PLEKHH2: variants seen among roughly 807,000 people sequenced by gnomAD.
PLEKHH2 encodes pleckstrin homology, MyTH4 and FERM domain containing H2, also known as pleckstrin homology domain-containing family H member 2.
Under a neutral mutation model 187.9 loss-of-function variants are expected in PLEKHH2, and 129 were observed. The ratio of observed to expected loss-of-function variants is 0.69; its 90% CI spans 0.59 to 0.79. PLEKHH2 has a LOEUF of 0.79. Among genes scored for constraint, PLEKHH2 ranks in the 30% least tolerant of loss-of-function variants. The pLI, the probability that PLEKHH2 is intolerant of heterozygous loss-of-function variation, is 0.00. For synonymous variants in PLEKHH2, 686 were observed against 605.6 expected (o/e 1.13, Z -1.95); for missense variants, 2,076 against 1,751.2 (o/e 1.19, Z -3.31).
intron 28 of PLEKHH2, 86 bp downstream of exon 28, chr2:43,762,476 C>G: frequency 9.7e-7 from 1 of 1,033,756 alleles, no homozygotes; most frequent in South Asian, 1.4e-5. Context: ...ATATCTTAAT[C>G]TGATTTTTCT....
chr2:43,725,601 A>G (rs1670700995), intron 16 of PLEKHH2, among the ~76,000 whole-genome samples: 1 of 152,204 alleles, frequency 6.6e-6, no homozygotes, highest in Admixed American at 6.5e-5. Context: ...CTTTACCCTA[A>G]CTGTCTATCT....
chr2:43,646,955 A>T (rs1262387262), intron 2 of PLEKHH2, among the ~76,000 whole-genome samples: 1 of 151,922 alleles, frequency 6.6e-6, no homozygotes, highest in Non-Finnish European at 1.5e-5. Flanking sequence ...TTCCCAATAA[A>T]TATATTCAAC....
At chr2:43,691,310 C>A (rs954265497) in intron 3 of PLEKHH2, among the ~76,000 whole-genome samples, 19 of 152,194 alleles carry the variant, frequency 1.2e-4, no homozygotes, top group African/African-American at 3.6e-4. Context: ...GTGGTCCCCC[C>A]ACCCGAAGCA....
intron 3 of PLEKHH2, among the ~76,000 whole-genome samples, chr2:43,687,815 A>C (rs1286830646): frequency 1.3e-5 from 2 of 151,104 alleles, no homozygotes; most frequent in Non-Finnish European, 2.9e-5. Context: ...TTTTTTTTTC[A>C]AGACAGGGTC....
At chr2:43,670,387 T>C (rs1667437439) in intron 2 of PLEKHH2, among the ~76,000 whole-genome samples, 1 of 152,184 alleles carries the variant, frequency 6.6e-6, no homozygotes, top group Non-Finnish European at 1.5e-5. Flanking sequence ...ATTTAGAGAA[T>C]GAGGTTCAGT....
intron 3 of PLEKHH2, chr2:43,679,684 TGG>T (rs1240391797): frequency 2.2e-5 from 4 of 185,364 alleles, no homozygotes; most frequent in Non-Finnish European, 4.5e-5. Context: ...TTAGTAGAGA[TGG>T]GGTTTGTTGG....
intron 2 of PLEKHH2, chr2:43,675,530 C>T: frequency 6.2e-7 from 1 of 1,614,004 alleles, no homozygotes; most frequent in Admixed American, 1.7e-5. Flanking sequence ...CAGCAGCCTT[C>T]TACTACTTGC....
At chr2:43,722,774 G>A (rs1670543921) in intron 16 of PLEKHH2, among the ~76,000 whole-genome samples, 1 of 152,110 alleles carries the variant, frequency 6.6e-6, no homozygotes, top group African/African-American at 2.4e-5. Context: ...CCAAGTTTCT[G>A]TAATAAGCAT....
intron 3 of PLEKHH2, among the ~76,000 whole-genome samples, chr2:43,686,536 G>T (rs1310305706): frequency 6.6e-6 from 1 of 152,132 alleles, no homozygotes; most frequent in African/African-American, 2.4e-5. Context: ...ATACTGCTCA[G>T]TCATTCTAAT....
At chr2:43,750,845 T>C (rs1176268972) in intron 24 of PLEKHH2, among the ~76,000 whole-genome samples, 1 of 152,182 alleles carries the variant, frequency 6.6e-6, no homozygotes, top group East Asian at 1.9e-4. Flanking sequence ...GCCTTGGGAA[T>C]TCCAAGGTGA....
At chr2:43,735,369 A>C in intron 19 of PLEKHH2, among the ~76,000 whole-genome samples, 1 of 152,172 alleles carries the variant, frequency 6.6e-6, no homozygotes, top group East Asian at 1.9e-4. Flanking sequence ...GGAGCTAAAA[A>C]AGTGGATCTC....
chr2:43,745,885 A>G lies in PLEKHH2; in HGVS notation c.3575A>G (p.Lys1192Arg). 6.2e-7 allele frequency: 1 copy of G among 1,610,800 alleles called. No homozygotes were observed. Among genetic ancestry groups the G allele is most frequent in the South Asian group, 1.1e-5 (1 of 90,466 alleles). Residue 1192 changes from lysine to arginine, a missense_variant, in exon 24 of 30, where the codon AAA (lysine) becomes AGA (arginine). Coordinates refer to ENST00000282406, the MANE Select transcript of PLEKHH2 (RefSeq NM_172069.4). Reference sequence around the variant, plus strand: ...TTCTAGATTTGTGACATTATTTCCAAATGGGAACAGGCTTCCAAAGAACAG... The same window carrying G: ...TTCTAGATTTGTGACATTATTTCCAGATGGGAACAGGCTTCCAAAGAACAG... Reference protein sequence around the residue: ...GNIKICDIISKWEQASKEQQP... With the variant: ...GNIKICDIISRWEQASKEQQP...
chr2:43,761,314 T>C (rs992400628), intron 27 of PLEKHH2, among the ~76,000 whole-genome samples: 5 of 152,136 alleles, frequency 3.3e-5, no homozygotes, highest in African/African-American at 1.2e-4. Context: ...TCAAAAACAT[T>C]CATGGGTTTC....
In PLEKHH2 at chr2:43,729,641, C is replaced by T. The variant is rs550278573; in HGVS notation, c.2726C>T (p.Thr909Ile). 1 of 1,589,766 alleles carries T rather than the reference C, an allele frequency of 6.3e-7. No homozygotes were observed. The highest frequency in any genetic ancestry group is 1.2e-5 in the South Asian group (1 of 86,264). ...LLIGSKHEKD[T>I]WLYHLTVAAG... ...TTAATATGTTCTGGTTTTAAGGACACTTGGCTTTATCATCTGACTGTTGCA... is the reference window on the plus strand; with the variant it reads ...TTAATATGTTCTGGTTTTAAGGACATTTGGCTTTATCATCTGACTGTTGCA... The change falls in exon 18 of 30, where the codon ACT becomes ATT. Residue 909 changes from threonine to isoleucine, a missense_variant. Coordinates refer to ENST00000282406, the MANE Select transcript of PLEKHH2 (RefSeq NM_172069.4).
chr2:43,729,221 G>A (rs546628139), intron 17 of PLEKHH2, among the ~76,000 whole-genome samples: 16 of 152,278 alleles, frequency 1.1e-4, no homozygotes, highest in Admixed American at 4.6e-4. Context: ...GGAATCTTTG[G>A]TGAATGGGAT....
chr2:43,643,008 C>G (rs1187792033), intron 1 of PLEKHH2, among the ~76,000 whole-genome samples: 1 of 151,998 alleles, frequency 6.6e-6, no homozygotes, highest in Non-Finnish European at 1.5e-5. Context: ...TTTTTATTTT[C>G]TAGTATTGCA....
rs535993698 is a variant in PLEKHH2, at chr2:43,767,697, C to G, written c.*2099C>G. ...TCATCATTTGGTAAGCCCCTCCCCA[C>G]ACTCCTCTAATTTAAACAAGTAGTG... is the stretch of plus-strand genomic sequence containing the variant. On this transcript the variant is annotated 3_prime_UTR_variant, in exon 30 of 30. Transcript: ENST00000282406. 1.3e-5 allele frequency: 2 copies of G among 152,802 alleles called. No individual in the cohort carries two copies. The highest frequency in any genetic ancestry group is 2.9e-5 in the Non-Finnish European group (2 of 68,042). 9.5% of individuals were successfully genotyped at this position (152,802 alleles called of 1,614,324 possible).
intron 8 of PLEKHH2, among the ~76,000 whole-genome samples, chr2:43,702,741 A>C (rs922746080): frequency 3.3e-5 from 5 of 152,030 alleles, no homozygotes; most frequent in Non-Finnish European, 7.4e-5. Flanking sequence ...AAAATTTCTA[A>C]GAGCTTATTT....
chr2:43,654,282 C>T (rs530805388), intron 2 of PLEKHH2, among the ~76,000 whole-genome samples: 2 of 151,302 alleles, frequency 1.3e-5, no homozygotes, highest in South Asian at 2.1e-4. Context: ...GCAACCTCCA[C>T]CTCCCCGGTT....
Sources: allele counts gnomAD v4.1 joint callset (sites outside exome capture counted in the v4.1 genomes callset), GRCh38; gene constraint gnomAD v4.1.1; transcripts MANE v1.5; gene names NCBI Gene and HGNC (gene_info 2026-07-23, HGNC 2026-07-21).